The following IFI16 variants were observed in gnomAD, a reference collection of about 807,000 sequenced individuals.
IFI16 encodes gamma-interferon-inducible protein 16.
IFI16 carries 49 observed loss-of-function variants against 68.4 expected under a neutral mutation model. That is an observed-to-expected ratio of 0.72 (90% CI 0.57 to 0.91). The LOEUF (loss-of-function observed/expected upper bound fraction) is 0.91, where lower values mean the gene tolerates loss of function less well. Ranked by LOEUF, IFI16 falls within the 40% of genes least tolerant of loss-of-function variation. The pLI, the probability that IFI16 is intolerant of heterozygous loss-of-function variation, is 0.00. For synonymous variants in IFI16, 307 were observed against 315.0 expected (o/e 0.97, Z 0.27); for missense variants, 878 against 942.9 (o/e 0.93, Z 0.90).
intron 8 of IFI16, among the ~76,000 whole-genome samples, chr1:159,046,644 T>C (rs1655004168): frequency 6.6e-6 from 1 of 151,134 alleles, no homozygotes; most frequent in East Asian, 1.9e-4. Flanking sequence ...AGTTTCACTA[T>C]CCATGCTCTT....
Position 159,013,009 on chromosome 1 carries a change from T to C in IFI16, c.-20-1652T>C, listed in dbSNP as rs576590926. On this transcript the variant is annotated intron_variant, in intron 1 of 11. Transcript: ENST00000295809. The stretch of plus-strand genomic sequence containing the variant: ...ACTTTCAATTTGATTCTTGAATCTT[T>C]GTAGGTGATCTATTCCTCATTACCG... Among the ~76,000 whole-genome samples the C allele has an allele frequency of 6.6e-5, 10 of 152,302 alleles. No individual in the cohort carries two copies. The East Asian group carries it at 1.9e-3, about 29-fold the overall frequency.
intron 6 of IFI16, among the ~76,000 whole-genome samples, chr1:159,031,123 G>A (rs769139647): frequency 5.3e-5 from 8 of 152,116 alleles, no homozygotes; most frequent in Non-Finnish European, 1.0e-4. Context: ...GGGAAAGCTG[G>A]TAGTTACAGG....
At chr1:159,014,420 C>T (rs6697855) in intron 1 of IFI16, among the ~76,000 whole-genome samples, 7,431 of 152,118 alleles carry the variant, frequency 0.049, 611 homozygotes, top group African/African-American at 0.17. Context: ...GTTCTCAGAC[C>T]TCCCTCTAAC....
chr1:159,036,601 T>C (rs1654342758), intron 7 of IFI16, among the ~76,000 whole-genome samples: 1 of 152,226 alleles, frequency 6.6e-6, no homozygotes, highest in Non-Finnish European at 1.5e-5. Context: ...TTTACACATA[T>C]TTAAAATTAG....
upstream of IFI16, among the ~76,000 whole-genome samples, chr1:159,002,127 C>T (rs531910766): frequency 2.0e-5 from 3 of 152,246 alleles, no homozygotes; most frequent in African/African-American, 7.2e-5. Flanking sequence ...AAACAGCTGG[C>T]ATTTATTATA....
At chr1:159,014,320 A>G (rs962836179) in intron 1 of IFI16, among the ~76,000 whole-genome samples, 3 of 152,192 alleles carry the variant, frequency 2.0e-5, no homozygotes, top group African/African-American at 7.2e-5. Flanking sequence ...GGATTTGGGG[A>G]ATAGGCTTCA....
Position 159,018,421 on chromosome 1 carries a change from A to G in IFI16, c.742A>G (p.Ser248Gly). 6.2e-7 allele frequency: 1 copy of G among 1,613,890 alleles called. No homozygotes were observed. The highest frequency in any genetic ancestry group is 8.5e-7 in the Non-Finnish European group (1 of 1,179,734). ...CTTCCATGTGAAGGTTTTAAACACC[A>G]GCTTGAAGGAGAAATTCAATGGAAA... ...QFFHVKVLNT[S>G]LKEKFNGKKI... Residue 248 changes from serine to glycine, a missense_variant, in exon 5 of 12, where the codon AGC (serine) becomes GGC (glycine). Coordinates refer to ENST00000295809, the MANE Select transcript of IFI16 (RefSeq NM_001376587.1).
chr1:159,020,294 G>T lies in IFI16; in HGVS notation c.973-47G>T, dbSNP rs1470842972. On this transcript the variant is annotated intron_variant, in intron 5 of 11. Coordinates refer to ENST00000295809, the MANE Select transcript of IFI16 (RefSeq NM_001376587.1). ...AAGGGACTTCAGCCTATATGTGGTT[G>T]TTATTAATTACATTCTCAGGAACAG... 2.1e-6 allele frequency: 3 copies of T among 1,414,296 alleles called. No individual in the cohort carries two copies. The South Asian group carries it at 3.6e-5, about 17-fold the overall frequency. 87.6% of individuals were successfully genotyped at this position (1,414,296 alleles called of 1,614,324 possible).
intron 7 of IFI16, among the ~76,000 whole-genome samples, chr1:159,039,898 C>T (rs1016583509): frequency 2.0e-5 from 3 of 152,170 alleles, no homozygotes; most frequent in African/African-American, 4.8e-5. Flanking sequence ...TCCTTTGTGC[C>T]TCTTCAAAGG....
At chr1:159,035,422 G>T (rs900538154) in intron 7 of IFI16, among the ~76,000 whole-genome samples, 1 of 152,170 alleles carries the variant, frequency 6.6e-6, no homozygotes. Flanking sequence ...GATTATGTGA[G>T]AATTTCTAAG....
intron 5 of IFI16, among the ~76,000 whole-genome samples, chr1:159,019,446 C>T (rs1342600047): frequency 6.6e-6 from 1 of 151,294 alleles, no homozygotes; most frequent in Non-Finnish European, 1.5e-5. Flanking sequence ...CATTAACCTG[C>T]GTTACTTTCT....
chr1:159,010,531 C>G (rs1394134422), intron 1 of IFI16, among the ~76,000 whole-genome samples: 3 of 152,032 alleles, frequency 2.0e-5, no homozygotes, highest in African/African-American at 7.2e-5. Flanking sequence ...AAGATAGTGA[C>G]ATGAAAAAAG....
intron 2 of IFI16, 137 bp from the exon 3 acceptor site, chr1:159,015,735 A>G (rs1652876166): frequency 3.1e-6 from 2 of 646,854 alleles, no homozygotes; most frequent in Non-Finnish European, 5.5e-6. Context: ...AATGCAGTAG[A>G]GCTAGACTAA....
chr1:159,051,438 G>T (rs1655349773), intron 9 of IFI16, among the ~76,000 whole-genome samples: 3 of 152,094 alleles, frequency 2.0e-5, no homozygotes, highest in Admixed American at 2.0e-4. Flanking sequence ...CATTAAAAAA[G>T]AAATATTCTT....
Position 159,018,623 on chromosome 1 carries a change from T to C in IFI16, c.944T>C (p.Ile315Thr), listed in dbSNP as rs148343140. Residue 315 changes from isoleucine (I) to threonine (T), a missense_variant, in exon 5 of 12, where the codon ATT becomes ACT. Coordinates refer to ENST00000295809, the MANE Select transcript of IFI16 (RefSeq NM_001376587.1). ...DILHKQASGN[I>T]VYGVFMLHKK... ...CTTCACAAACAAGCTTCAGGAAATATTGTATATGGGGTATTTATGCTACAT... is the reference window on the plus strand; with the variant it reads ...CTTCACAAACAAGCTTCAGGAAATACTGTATATGGGGTATTTATGCTACAT... 9.8e-5 allele frequency: 158 copies of C among 1,612,614 alleles called. 2 individuals are homozygous for C. In the Middle Eastern group the frequency reaches 2.0e-3, roughly 20 times the overall value.
Position 159,018,516 on chromosome 1 carries a change from A to G in IFI16, c.837A>G (p.Val279=). ...TAGAGGTCAATGAAGAATCTACTGT[A>G]TCTGAAGCTGGTCCTAACCAAACGT... is the stretch of plus-strand genomic sequence containing the variant. The part of the protein sequence containing the change: ...SLLEVNEEST[V]SEAGPNQTFE... The change falls in exon 5 of 12, where the codon GTA becomes GTG. Residue 279 remains valine, a synonymous_variant. Coordinates refer to ENST00000295809, the MANE Select transcript of IFI16 (RefSeq NM_001376587.1). 2 of 1,614,078 alleles carry G rather than the reference A, an allele frequency of 1.2e-6. No individual in the cohort carries two copies.
At chr1:159,048,542 T>A (rs1373120699) in intron 8 of IFI16, among the ~76,000 whole-genome samples, 2 of 151,484 alleles carry the variant, frequency 1.3e-5, no homozygotes, top group Non-Finnish European at 3.0e-5. Context: ...TTGGGGTTTA[T>A]TTCCATAGTC....
At chr1:159,048,897 T>C (rs970104404) in intron 8 of IFI16, among the ~76,000 whole-genome samples, 1 of 151,342 alleles carries the variant, frequency 6.6e-6, no homozygotes, top group Non-Finnish European at 1.5e-5. Context: ...TCTGATAGCC[T>C]GATCCACACT....
At chr1:159,037,697 A>T (rs1314627056) in intron 7 of IFI16, among the ~76,000 whole-genome samples, 1 of 152,128 alleles carries the variant, frequency 6.6e-6, no homozygotes, top group East Asian at 1.9e-4. Flanking sequence ...ACTTATTTTG[A>T]AAAGAAAATT....
Sources: allele counts gnomAD v4.1 joint callset (sites outside exome capture counted in the v4.1 genomes callset), GRCh38; gene constraint gnomAD v4.1.1; transcripts MANE v1.5; gene names NCBI Gene and HGNC (gene_info 2026-07-23, HGNC 2026-07-21).